Variants in SLIT3 observed in about 807,000 individuals in gnomAD.
The protein encoded by SLIT3 is slit guidance ligand 3.
Under a neutral mutation model 184.0 loss-of-function variants are expected in SLIT3, and 68 were observed. The observed-to-expected ratio is 0.37, with a 90% CI of 0.30 to 0.45. SLIT3 has a LOEUF of 0.45. SLIT3 is among the 20% of genes least tolerant of loss of function. The pLI, the probability that SLIT3 is intolerant of heterozygous loss-of-function variation, is 1.00. For synonymous variants in SLIT3, 831 were observed against 828.6 expected, an observed-to-expected ratio of 1.00 and a Z score of -0.05; for missense variants, 1,707 against 2,026.0, an observed-to-expected ratio of 0.84 and a Z score of 3.02.
At chr5:169,144,560 T>C (rs936520036) in intron 4 of SLIT3, among the ~76,000 whole-genome samples, 1 of 152,244 alleles carries the variant, frequency 6.6e-6, no homozygotes, top group African/African-American at 2.4e-5. Flanking sequence ...AATAAATGTT[T>C]GACAAGTAAG....
intron 7 of SLIT3, among the ~76,000 whole-genome samples, chr5:168,822,261 C>A (rs1757558226): frequency 6.6e-6 from 1 of 152,110 alleles, no homozygotes; most frequent in Non-Finnish European, 1.5e-5. Context: ...ATGTAACAAT[C>A]AATATCATTT....
chr5:169,078,668 A>C (rs1758843621), intron 4 of SLIT3, among the ~76,000 whole-genome samples: 1 of 152,212 alleles, frequency 6.6e-6, no homozygotes, highest in Non-Finnish European at 1.5e-5. Flanking sequence ...AAAAATGAGC[A>C]CTAATGAAAA....
chr5:168,963,669 G>C (rs1456447889), intron 4 of SLIT3, among the ~76,000 whole-genome samples: 2 of 152,190 alleles, frequency 1.3e-5, no homozygotes, highest in South Asian at 2.1e-4. Context: ...AGTGTGTTAG[G>C]TACCTGATTC....
chr5:169,064,707 G>C (rs1758288689), intron 4 of SLIT3, among the ~76,000 whole-genome samples: 1 of 152,170 alleles, frequency 6.6e-6, no homozygotes, highest in Non-Finnish European at 1.5e-5. Flanking sequence ...TCTTCTCTGT[G>C]CATCTTCTGT....
chr5:168,861,237 C>T (rs1759090362), intron 5 of SLIT3, among the ~76,000 whole-genome samples: 1 of 152,074 alleles, frequency 6.6e-6, no homozygotes, highest in African/African-American at 2.4e-5. Flanking sequence ...GGTGTATCTC[C>T]TAATGCTTTC....
At chr5:169,239,559 A>T (rs1296975749) in intron 3 of SLIT3, among the ~76,000 whole-genome samples, 1 of 152,094 alleles carries the variant, frequency 6.6e-6, no homozygotes, top group Non-Finnish European at 1.5e-5. Context: ...CTTTAAAATC[A>T]TTAAGATAAA....
intron 5 of SLIT3, among the ~76,000 whole-genome samples, chr5:168,846,953 TG>T (rs879560284): frequency 1.3e-5 from 2 of 151,924 alleles, no homozygotes; most frequent in African/African-American, 4.8e-5. Context: ...AAGTATGTGG[TG>T]AGGGGAGATA....
At chr5:168,787,505 A>G (rs1017488072) in intron 11 of SLIT3, among the ~76,000 whole-genome samples, 1 of 152,072 alleles carries the variant, frequency 6.6e-6, no homozygotes, top group Non-Finnish European at 1.5e-5. Flanking sequence ...GAGCTCAAAC[A>G]TCTCTTCCTT....
At chr5:169,147,842 T>C (rs940162258) in intron 4 of SLIT3, among the ~76,000 whole-genome samples, 2 of 152,196 alleles carry the variant, frequency 1.3e-5, no homozygotes, top group East Asian at 1.9e-4. Context: ...CCTCCTGATG[T>C]TGACTCTCTC....
At chr5:169,275,713 G>A (rs957468350) in intron 1 of SLIT3, among the ~76,000 whole-genome samples, 1 of 152,146 alleles carries the variant, frequency 6.6e-6, no homozygotes, top group Admixed American at 6.5e-5. Flanking sequence ...ACTATCATGA[G>A]AATAGCATGG....
intron 3 of SLIT3, among the ~76,000 whole-genome samples, chr5:169,210,702 G>T (rs1348370458): frequency 6.6e-6 from 1 of 152,150 alleles, no homozygotes; most frequent in Admixed American, 6.5e-5. Context: ...AGGAATGAAT[G>T]AATCAAAGTA....
At chr5:168,959,237 C>A (rs1195387208) in intron 4 of SLIT3, among the ~76,000 whole-genome samples, 1 of 152,236 alleles carries the variant, frequency 6.6e-6, no homozygotes, top group African/African-American at 2.4e-5. Context: ...TGACTTTGTG[C>A]AAGTTATGTC....
chr5:169,118,368 ATCT>A (rs1384947865), intron 4 of SLIT3, among the ~76,000 whole-genome samples: 4 of 152,340 alleles, frequency 2.6e-5, no homozygotes, highest in Non-Finnish European at 5.9e-5. Context: ...TTGGTTGGTC[ATCT>A]TCTTGAACTG....
At chr5:169,000,581 A>G (rs11951066) in intron 4 of SLIT3, among the ~76,000 whole-genome samples, 2,116 of 152,240 alleles carry the variant, frequency 0.014, 69 homozygotes, top group African/African-American at 0.048. Context: ...CAAAAATTTT[A>G]CATAAGAACT....
intron 7 of SLIT3, among the ~76,000 whole-genome samples, chr5:168,821,545 C>T (rs188209688): frequency 2.0e-5 from 3 of 152,252 alleles, no homozygotes; most frequent in African/African-American, 7.2e-5. Context: ...TCTTAAAATT[C>T]CATTACTGCA....
At chr5:168,922,718 A>G (rs1761679464) in intron 4 of SLIT3, among the ~76,000 whole-genome samples, 1 of 152,140 alleles carries the variant, frequency 6.6e-6, no homozygotes, top group Non-Finnish European at 1.5e-5. Context: ...ACAGGAACAG[A>G]GCTTCATGAA....
At chr5:168,965,361 A>G (rs1055993733) in intron 4 of SLIT3, among the ~76,000 whole-genome samples, 2 of 152,192 alleles carry the variant, frequency 1.3e-5, no homozygotes, top group Admixed American at 6.5e-5. Flanking sequence ...AAACAGAAAG[A>G]TGGGTTTTGA....
At chr5:168,923,353 G>A (rs1761703425) in intron 4 of SLIT3, among the ~76,000 whole-genome samples, 1 of 151,836 alleles carries the variant, frequency 6.6e-6, no homozygotes, top group Non-Finnish European at 1.5e-5. Context: ...CCAAATATCT[G>A]TTCAGTCCAC....
intron 10 of SLIT3, among the ~76,000 whole-genome samples, chr5:168,794,806 CCTTTCA>C (rs2113601529): frequency 6.6e-6 from 1 of 152,266 alleles, no homozygotes; most frequent in East Asian, 1.9e-4. Flanking sequence ...CTCCCTAAGG[CCTTTCA>C]CTTGCTTTTC....
Sources: gnomAD v4.1 joint callset for allele counts (sites outside exome capture counted in the v4.1 genomes callset) on GRCh38, gnomAD v4.1.1 for gene constraint, MANE v1.5 for transcripts, NCBI Gene and HGNC (gene_info 2026-07-23, HGNC 2026-07-21) for gene names.